Variants in SERGEF observed in about 807,000 individuals in gnomAD.
SERGEF encodes the protein secretion regulating guanine nucleotide exchange factor.
Under a neutral mutation model 50.0 loss-of-function variants are expected in SERGEF, and 51 were observed. The observed-to-expected ratio is 1.02, with a 90% CI of 0.81 to 1.29. The LOEUF is 1.29. Ranked by LOEUF, SERGEF falls within the 50% of genes most tolerant of loss-of-function variation. The pLI, the probability that SERGEF is intolerant of heterozygous loss-of-function variation, is 0.00. For missense variants in SERGEF, 521 were observed against 557.0 expected (o/e 0.94, Z 0.65); for synonymous variants, 205 against 212.4 (o/e 0.97, Z 0.30).
At chr11:18,011,920 C>G (rs1054245860) in intron 1 of SERGEF, among the ~76,000 whole-genome samples, 1 of 152,156 alleles carries the variant, frequency 6.6e-6, no homozygotes, top group African/African-American at 2.4e-5. Context: ...CCGCCTTGTA[C>G]TGATCATTAC....
At chr11:17,803,898 T>C (rs969087917) in intron 10 of SERGEF, among the ~76,000 whole-genome samples, 2 of 152,238 alleles carry the variant, frequency 1.3e-5, no homozygotes, top group Non-Finnish European at 2.9e-5. Flanking sequence ...TCTGAGGCAT[T>C]CTGACAGGCA....
intron 9 of SERGEF, among the ~76,000 whole-genome samples, chr11:17,917,336 T>C (rs1172288619): frequency 6.6e-6 from 1 of 152,254 alleles, no homozygotes; most frequent in African/African-American, 2.4e-5. Context: ...AAACATTGTA[T>C]GTTCTCACTC....
chr11:17,878,057 C>G (rs1016624937), intron 10 of SERGEF, 151 bp downstream of exon 10: 1 of 628,130 alleles, frequency 1.6e-6, no homozygotes, highest in Non-Finnish European at 2.8e-6. Flanking sequence ...TCTAGTAAAC[C>G]CTTGGTCAAC....
intron 9 of SERGEF, among the ~76,000 whole-genome samples, chr11:17,957,796 T>C (rs950240215): frequency 3.4e-5 from 5 of 148,904 alleles, no homozygotes; most frequent in Non-Finnish European, 7.4e-5. Flanking sequence ...GTTTGAGAAA[T>C]CCCAGAACCT....
chr11:17,935,322 A>T (rs905739081), intron 9 of SERGEF, among the ~76,000 whole-genome samples: 1 of 152,018 alleles, frequency 6.6e-6, no homozygotes, highest in Non-Finnish European at 1.5e-5. Flanking sequence ...CACACAAAAA[A>T]TTTTTTTTAA....
intron 9 of SERGEF, 69 bp downstream of exon 9, chr11:17,959,401 C>T: frequency 7.2e-7 from 1 of 1,392,182 alleles, no homozygotes; most frequent in Non-Finnish European, 1.0e-6. Flanking sequence ...CACAGTAGGC[C>T]CTCAGTAAAT....
chr11:17,806,084 G>A (rs756054465), intron 10 of SERGEF, among the ~76,000 whole-genome samples: 3 of 152,206 alleles, frequency 2.0e-5, no homozygotes, highest in Non-Finnish European at 4.4e-5. Flanking sequence ...AGGACAGACT[G>A]TAAGCTTGGC....
intron 9 of SERGEF, among the ~76,000 whole-genome samples, chr11:17,903,268 A>G (rs1156338372): frequency 6.6e-6 from 1 of 150,484 alleles, no homozygotes; most frequent in Non-Finnish European, 1.5e-5. Context: ...GGAAGCCTAC[A>G]TGATATGATG....
At chr11:17,894,990 C>T (rs1364806122) in intron 9 of SERGEF, among the ~76,000 whole-genome samples, 1 of 152,300 alleles carries the variant, frequency 6.6e-6, no homozygotes, top group Non-Finnish European at 1.5e-5. Context: ...GGAAAGGCAG[C>T]ACAGCCCCTT....
chr11:17,839,853 G>A (rs61882415), intron 10 of SERGEF, among the ~76,000 whole-genome samples: 17,059 of 152,250 alleles, frequency 0.11, 1,068 homozygotes, highest in Middle Eastern at 0.25. Context: ...GACTAGAAGA[G>A]GGAGGTTCAG....
intron 10 of SERGEF, among the ~76,000 whole-genome samples, chr11:17,837,556 G>C (rs898472878): frequency 6.6e-6 from 1 of 151,094 alleles, no homozygotes; most frequent in Admixed American, 6.6e-5. Flanking sequence ...TTTGTCTTCT[G>C]TCATGAGTGG....
At chr11:17,971,061 G>T (rs1293144165) in intron 8 of SERGEF, among the ~76,000 whole-genome samples, 1 of 152,108 alleles carries the variant, frequency 6.6e-6, no homozygotes, top group Non-Finnish European at 1.5e-5. Flanking sequence ...AGGTGTGGTG[G>T]TGCATGCCTG....
intron 6 of SERGEF, among the ~76,000 whole-genome samples, chr11:17,995,580 T>C (rs61882461): frequency 0.11 from 17,407 of 152,230 alleles, 1,302 homozygotes; most frequent in Middle Eastern, 0.22. Context: ...CTGACTTGCA[T>C]CTATGCCTCA....
At chr11:17,804,735 A>C (rs1468486122) in intron 10 of SERGEF, among the ~76,000 whole-genome samples, 1 of 152,214 alleles carries the variant, frequency 6.6e-6, no homozygotes, top group East Asian at 1.9e-4. Context: ...GCCAACAACT[A>C]TTATTATTAC....
chr11:17,987,681 T>G (rs1280567310), intron 8 of SERGEF, among the ~76,000 whole-genome samples: 1 of 152,190 alleles, frequency 6.6e-6, no homozygotes, highest in Non-Finnish European at 1.5e-5. Flanking sequence ...TACATTTGTG[T>G]ATAGAAATGC....
chr11:17,791,654 C>G (rs1449165182), intron 10 of SERGEF, among the ~76,000 whole-genome samples: 1 of 152,222 alleles, frequency 6.6e-6, no homozygotes, highest in Non-Finnish European at 1.5e-5. Flanking sequence ...GAACTGGGTT[C>G]AAATCCCAGC....
At chr11:17,800,882 A>G (rs1849655780) in intron 10 of SERGEF, among the ~76,000 whole-genome samples, 1 of 152,104 alleles carries the variant, frequency 6.6e-6, no homozygotes, top group South Asian at 2.1e-4. Context: ...AAGTGAGCCA[A>G]GGGAGAGGCA....
At chr11:17,872,271 CTATATCT>C (rs1851153527) in intron 10 of SERGEF, among the ~76,000 whole-genome samples, 2 of 460 alleles carry the variant, frequency 4.3e-3, no homozygotes, top group Admixed American at 0.017. Flanking sequence ...TGGAAATGTT[CTATATCT>C]TGCTCTGGAT....
chr11:18,010,193 T>TTACA (rs1052558770), intron 1 of SERGEF: 10 of 701,126 alleles, frequency 1.4e-5, no homozygotes, highest in East Asian at 6.5e-5. Flanking sequence ...ATATACATAC[T>TTACA]TACATACATA....
Sources: allele counts gnomAD v4.1 joint callset (sites outside exome capture counted in the v4.1 genomes callset), GRCh38; gene constraint gnomAD v4.1.1; transcripts MANE v1.5; gene names NCBI Gene and HGNC (gene_info 2026-07-23, HGNC 2026-07-21).